Variants in TLR2 observed in about 807,000 individuals in gnomAD.
TLR2 encodes the protein toll-like receptor 2.
A neutral mutation model predicts 9.1 loss-of-function variants in TLR2; 7 were observed. That is an observed-to-expected ratio of 0.77 (90% CI 0.44 to 1.44). The LOEUF (loss-of-function observed/expected upper bound fraction) is 1.44, where lower values mean the gene tolerates loss of function less well. TLR2 is among the 40% of genes most tolerant of loss of function. TLR2 has a pLI of 0.01. For synonymous variants in TLR2, 317 were observed against 344.6 expected, an observed-to-expected ratio of 0.92 and a Z score of 0.89; for missense variants, 812 against 904.6, an observed-to-expected ratio of 0.90 and a Z score of 1.31.
chr4:153,705,088 G>A lies in TLR2; in HGVS notation c.2181G>A (p.Glu727=). Residue 727 remains glutamate (E), a synonymous_variant, in exon 3 of 3, where the codon GAG becomes GAA. Coordinates refer to ENST00000642700, the MANE Select transcript of TLR2 (RefSeq NM_001318789.2). ...TCTCCCATTTCCGTCTTTTTGATGA[G>A]AACAATGATGCTGCCATTCTCATTC... ...LDFSHFRLFD[E]NNDAAILILL... The A allele has an allele frequency of 6.2e-7, 1 of 1,614,152 alleles. No individual in the cohort carries two copies. Among genetic ancestry groups the A allele is most frequent in the Non-Finnish European group, 8.5e-7 (1 of 1,180,040 alleles).
Position 153,702,972 on chromosome 4 carries a change from C to A in TLR2, c.65C>A (p.Ser22Tyr). ...GVIISLSKEE[S>Y]SNQASLSCDR... is the part of the protein sequence containing the mutation. ...ATCATCAGCCTCTCCAAGGAAGAAT[C>A]CTCCAATCAGGCTTCTCTGTCTTGT... Residue 22 changes from serine to tyrosine, a missense_variant, in exon 3 of 3, where the codon TCC (serine) becomes TAC (tyrosine). Coordinates refer to ENST00000642700, the MANE Select transcript of TLR2 (RefSeq NM_001318789.2). 2 of 1,614,014 alleles carry A rather than the reference C, an allele frequency of 1.2e-6. No homozygotes were observed. Among genetic ancestry groups the A allele is most frequent in the South Asian group, 2.2e-5 (2 of 91,060 alleles).
chr4:153,689,649 G>A (rs1735967291), intron 2 of TLR2, among the ~76,000 whole-genome samples: 1 of 152,218 alleles, frequency 6.6e-6, no homozygotes, highest in South Asian at 2.1e-4. Flanking sequence ...GAAAGCATGT[G>A]TAACTGTGTC....
At chr4:153,701,027 A>G (rs1736849627) in intron 2 of TLR2, among the ~76,000 whole-genome samples, 1 of 152,236 alleles carries the variant, frequency 6.6e-6, no homozygotes, top group African/African-American at 2.4e-5. Context: ...AGAAAATAAC[A>G]AAGAGAATAT....
At chr4:153,710,237 C>A, downstream of TLR2, 1 of 655,264 alleles carries the variant, frequency 1.5e-6, no homozygotes, top group Non-Finnish European at 2.4e-6. Flanking sequence ...TCCACATGGA[C>A]AAATTGCTTG....
Position 153,703,520 on chromosome 4 carries a change from C to T in TLR2, c.613C>T (p.Leu205Phe). Residue 205 changes from leucine (L) to phenylalanine (F), a missense_variant, in exon 3 of 3, where the codon CTT becomes TTT. By Grantham distance (22) the Leu-to-Phe change is conservative. Coordinates refer to ENST00000642700, the MANE Select transcript of TLR2 (RefSeq NM_001318789.2). ...KSIQNVSHLI[L>F]HMKQHILLLE... ...AATTCAGAATGTAAGTCATCTGATC[C>T]TTCATATGAAGCAGCATATTTTACT... 4 of 1,613,968 alleles carry T rather than the reference C, an allele frequency of 2.5e-6. No homozygotes were observed. The highest frequency in any genetic ancestry group is 3.4e-6 in the Non-Finnish European group (4 of 1,179,964).
chr4:153,687,056 G>A (rs1735755936), intron 1 of TLR2, among the ~76,000 whole-genome samples: 1 of 152,118 alleles, frequency 6.6e-6, no homozygotes, highest in Non-Finnish European at 1.5e-5. Flanking sequence ...CATATATTTG[G>A]AAATTAGTAA....
At chr4:153,684,776 C>G (rs981125151) in intron 1 of TLR2, among the ~76,000 whole-genome samples, 1 of 152,156 alleles carries the variant, frequency 6.6e-6, no homozygotes, top group Admixed American at 6.5e-5. Context: ...CGCTGGGGCT[C>G]CGGGCCTCTG....
chr4:153,710,534 A>T, downstream of TLR2: 1 of 1,572,952 alleles, frequency 6.4e-7, no homozygotes, highest in Non-Finnish European at 8.7e-7. Context: ...GCCAAGTAGC[A>T]GAAATATTCA....
rs372084762 is a variant in TLR2, at chr4:153,704,301, G to A, written c.1394G>A (p.Ser465Asn). 6.2e-7 allele frequency: 1 copy of A among 1,613,802 alleles called. No individual in the cohort carries two copies. The highest frequency in any genetic ancestry group is 1.3e-5 in the African/African-American group (1 of 74,860). The change falls in exon 3 of 3, where the codon AGC (serine) becomes AAC (asparagine). Residue 465 changes from serine (S) to asparagine (N), a missense_variant. Coordinates refer to ENST00000642700, the MANE Select transcript of TLR2 (RefSeq NM_001318789.2). ...IPKTLEILDV[S>N]NNNLNLFSLN... is the part of the protein sequence containing the mutation. Reference sequence around the variant, plus strand: ...AAGACACTGGAAATTTTAGATGTTAGCAACAACAATCTCAATTTATTTTCT... The same window carrying A: ...AAGACACTGGAAATTTTAGATGTTAACAACAACAATCTCAATTTATTTTCT...
chr4:153,690,120 TGTC>T (rs1418571331), intron 2 of TLR2, among the ~76,000 whole-genome samples: 4 of 152,278 alleles, frequency 2.6e-5, no homozygotes, highest in Non-Finnish European at 4.4e-5. Flanking sequence ...AACTTTTTGT[TGTC>T]AGATCTCTGC....
In TLR2 at chr4:153,705,366, C is replaced by T. The variant is rs980239114; in HGVS notation, c.*104C>T. The T allele has an allele frequency of 1.2e-5, 15 of 1,257,822 alleles. No homozygotes were observed. Among genetic ancestry groups the T allele is most frequent in the African/African-American group, 4.6e-5 (3 of 65,578 alleles). 77.9% of individuals were successfully genotyped at this position (1,257,822 alleles called of 1,614,324 possible). A position where few individuals can be genotyped will look rare whatever the true frequency, so the allele number is the denominator to read the frequency against. On this transcript the variant is annotated 3_prime_UTR_variant, in exon 3 of 3. Transcript: ENST00000642700. ...TTATATAAAAACTACGTGGATGTACCGTCATTTGAGGACTTGCTTACTAAA... is the reference window on the plus strand; with the variant it reads ...TTATATAAAAACTACGTGGATGTACTGTCATTTGAGGACTTGCTTACTAAA...
intron 1 of TLR2, 40 bp from the exon 2 acceptor site, chr4:153,687,862 T>G (rs2127011714): frequency 6.6e-6 from 1 of 152,312 alleles, no homozygotes; most frequent in South Asian, 2.1e-4. Flanking sequence ...TGAATCATTC[T>G]TTGCTAAAAT....
At position 153,703,685 on chromosome 4, in the gene TLR2, A is replaced by C; in HGVS notation, c.778A>C (p.Lys260Gln). 1 of 1,612,940 alleles carries C rather than the reference A, an allele frequency of 6.2e-7. No individual in the cohort carries two copies. Among genetic ancestry groups the C allele is most frequent in the Non-Finnish European group, 8.5e-7 (1 of 1,179,750 alleles). ...TAAAAAGTTTACATTTAGAAATGTGAAAATCACCGATGAAAGTTTGTTTCA... is the reference window on the plus strand; with the variant it reads ...TAAAAAGTTTACATTTAGAAATGTGCAAATCACCGATGAAAGTTTGTTTCA... ...LIKKFTFRNV[K>Q]ITDESLFQVM... is the part of the protein sequence containing the mutation. Residue 260 changes from lysine (K) to glutamine (Q), a missense_variant, in exon 3 of 3, where the codon AAA becomes CAA. Coordinates refer to ENST00000642700, the MANE Select transcript of TLR2 (RefSeq NM_001318789.2).
rs773544868 is a variant in TLR2, at chr4:153,704,502, G to A, written c.1595G>A (p.Gly532Asp). The change falls in exon 3 of 3, where the codon GGC (glycine) becomes GAC (aspartate). Residue 532 changes from glycine (G) to aspartate (D), a missense_variant. Coordinates refer to ENST00000642700, the MANE Select transcript of TLR2 (RefSeq NM_001318789.2). ...ACACTGAAGACTTTGGAAGCTGGTGGCAATAACTTCATTTGCTCCTGTGAA... is the reference window on the plus strand; with the variant it reads ...ACACTGAAGACTTTGGAAGCTGGTGACAATAACTTCATTTGCTCCTGTGAA... ...FHTLKTLEAG[G>D]NNFICSCEFL... 2.5e-6 allele frequency: 4 copies of A among 1,614,030 alleles called. No homozygotes were observed. The highest frequency in any genetic ancestry group is 3.3e-5 in the Admixed American group (2 of 60,006).
At chr4:153,691,083 A>G (rs1251710475) in intron 2 of TLR2, among the ~76,000 whole-genome samples, 3 of 152,208 alleles carry the variant, frequency 2.0e-5, no homozygotes, top group Non-Finnish European at 4.4e-5. Flanking sequence ...CCACTTTTTG[A>G]GCTGAAGTAT....
At chr4:153,691,731 C>T (rs1283805336) in intron 2 of TLR2, among the ~76,000 whole-genome samples, 1 of 152,102 alleles carries the variant, frequency 6.6e-6, no homozygotes, top group Non-Finnish European at 1.5e-5. Context: ...CAGGTCATAT[C>T]CGATTAATGT....
chr4:153,698,968 A>G (rs552597173), intron 2 of TLR2, among the ~76,000 whole-genome samples: 4 of 152,344 alleles, frequency 2.6e-5, no homozygotes, highest in East Asian at 3.9e-4. Flanking sequence ...TAGACAAAAC[A>G]TATAGGAGAG....
At chr4:153,692,856 A>C (rs915164111) in intron 2 of TLR2, among the ~76,000 whole-genome samples, 1 of 152,232 alleles carries the variant, frequency 6.6e-6, no homozygotes, top group Admixed American at 6.5e-5. Flanking sequence ...TAAATTGAGC[A>C]GGTTGAATTG....
At chr4:153,702,567 C>T (rs1191682626) in intron 2 of TLR2, 6 of 222,246 alleles carry the variant, frequency 2.7e-5, no homozygotes, top group Admixed American at 5.5e-5. Flanking sequence ...CTTGATTGCT[C>T]ATTCCTCCAT....
Sources: allele counts gnomAD v4.1 joint callset (sites outside exome capture counted in the v4.1 genomes callset), GRCh38; gene constraint gnomAD v4.1.1; transcripts MANE v1.5; gene names NCBI Gene and HGNC (gene_info 2026-07-23, HGNC 2026-07-21).